Variants in PTPRU observed in about 807,000 individuals in gnomAD.
PTPRU encodes the protein protein tyrosine phosphatase receptor type U, also known as receptor-type tyrosine-protein phosphatase U.
A neutral mutation model predicts 166.3 loss-of-function variants in PTPRU; 69 were observed. That is an observed-to-expected ratio of 0.41 (90% CI 0.34 to 0.51). The LOEUF (loss-of-function observed/expected upper bound fraction) is 0.51. Among genes scored for constraint, PTPRU ranks in the 20% least tolerant of loss-of-function variants. The pLI is 0.09. For missense variants in PTPRU, 1,657 were observed against 2,013.7 expected (o/e 0.82, Z 3.39); for synonymous variants, 793 against 814.0 (o/e 0.97, Z 0.44).
At chr1:29,289,650 C>T (rs1232754260) in intron 14 of PTPRU, 1 of 1,613,862 alleles carries the variant, frequency 6.2e-7, no homozygotes, top group Non-Finnish European at 8.5e-7. Flanking sequence ...ACCTCGGACA[C>T]AACTGTGCTG....
intron 26 of PTPRU, among the ~76,000 whole-genome samples, chr1:29,321,636 G>C (rs535097789): frequency 6.6e-6 from 1 of 152,290 alleles, no homozygotes; most frequent in African/African-American, 2.4e-5. Context: ...TTTGATCTAG[G>C]GTAAGTTGAT....
chr1:29,260,806 C>G lies in PTPRU; in HGVS notation c.1047C>G (p.Pro349=). ...CCTACAAGCTGTGGCACCTCGACCC[C>G]GACACAGAGTATGAGATCAGCGTGC... ...LQTYKLWHLD[P]DTEYEISVLL... Residue 349 remains proline (P), a synonymous_variant, in exon 7 of 30, where the codon CCC becomes CCG. Transcript: ENST00000373779. This position sits in a 1 kb window ranked among gnomAD's most constrained non-coding sequence, Gnocchi z 8.3. 1 of 1,613,338 alleles carries G rather than the reference C, an allele frequency of 6.2e-7. No homozygotes were observed. The highest frequency in any genetic ancestry group is 1.1e-5 in the South Asian group (1 of 91,044).
At position 29,258,571 on chromosome 1, in the gene PTPRU, G is replaced by C; in HGVS notation, c.272G>C (p.Ser91Thr). 6.2e-7 allele frequency: 1 copy of C among 1,614,256 alleles called. No homozygotes were observed. Among genetic ancestry groups the C allele is most frequent in the Non-Finnish European group, 8.5e-7 (1 of 1,180,050 alleles). The change falls in exon 3 of 30, where the codon AGC becomes ACC. Residue 91 changes from serine (S) to threonine (T), a missense_variant. By Grantham distance (58) the Ser-to-Thr change is moderately conservative. This residue lies in a region of PTPRU where 453 missense variants were observed against 496.9 expected (regional missense o/e 0.91). Transcript: ENST00000373779. ...PGQRAHVIFQ[S>T]LSENDTHCVQ... ...CAGCGAGCCCATGTCATCTTCCAGA[G>C]CCTGAGCGAGAATGATACCCACTGT...
chr1:29,260,842 T>C lies in PTPRU; in HGVS notation c.1083T>C (p.Arg361=). The change falls in exon 7 of 30, where the codon CGT becomes CGC. Residue 361 remains arginine, a synonymous_variant. Transcript: ENST00000373779. The surrounding 1 kb of genome is among the most constrained non-coding windows in gnomAD (Gnocchi z 8.3). ...ATGAGATCAGCGTGCTGCTCACGCG[T>C]CCCGGAGACGGCGGCACTGGCCGCC... ...TEYEISVLLT[R]PGDGGTGRPG... is the part of the protein sequence containing the mutation. 1 of 1,608,784 alleles carries C rather than the reference T, an allele frequency of 6.2e-7. No homozygotes were observed. The highest frequency in any genetic ancestry group is 2.2e-5 in the East Asian group (1 of 44,592).
At position 29,269,246 on chromosome 1, in the gene PTPRU, A is replaced by ATTTTTTTTTTTTTT. The variant is rs1175870568; in HGVS notation, c.1145-6186_1145-6173dup. Among the ~76,000 whole-genome samples the ATTTTTTTTTTTTTT allele has an allele frequency of 2.4e-4, 5 of 20,584 alleles. 2 individuals are homozygous for ATTTTTTTTTTTTTT. Among genetic ancestry groups the ATTTTTTTTTTTTTT allele is most frequent in the Non-Finnish European group, 5.0e-4 (5 of 9,980 alleles). 13.5% of individuals were successfully genotyped at this position (20,584 alleles called of 152,430 possible). A position where few individuals can be genotyped will look rare whatever the true frequency, so the allele number is the denominator to read the frequency against. ...TATATATATATATATATATATATAT[A>ATTTTTTTTTTTTTT]TTTTTTTTTTTTTTTTTTTTTTTTT... On this transcript the variant is annotated intron_variant, in intron 7 of 29. Coordinates refer to ENST00000373779, the MANE Select transcript of PTPRU (RefSeq NM_133178.4).
chr1:29,280,071 C>A lies in PTPRU; in HGVS notation c.1798C>A (p.Pro600Thr), dbSNP rs1341692539. ...CTTTGATTATGCCGACATGCCGTCA[C>A]CCCTGGGCGAGTCTGAGAACACCAT... is the stretch of plus-strand genomic sequence containing the variant. Reference protein sequence around the residue: ...PSFDYADMPSPLGESENTITV... With the variant: ...PSFDYADMPSTLGESENTITV... The change falls in exon 11 of 30, where the codon CCC (proline) becomes ACC (threonine). Residue 600 changes from proline (P) to threonine (T), a missense_variant. Pro to Thr is a conservative substitution (Grantham distance 38). Coordinates refer to ENST00000373779, the MANE Select transcript of PTPRU (RefSeq NM_133178.4). The surrounding 1 kb of genome is among the most constrained non-coding windows in gnomAD (Gnocchi z 4.2). The A allele has an allele frequency of 1.2e-6, 2 of 1,613,814 alleles. No homozygotes were observed. Among genetic ancestry groups the A allele is most frequent in the South Asian group, 1.1e-5 (1 of 91,052 alleles).
chr1:29,290,577 G>A (rs191508488), intron 14 of PTPRU, among the ~76,000 whole-genome samples: 1 of 152,314 alleles, frequency 6.6e-6, no homozygotes, highest in Non-Finnish European at 1.5e-5. Context: ...CAGCCCTGAG[G>A]ACAGTGGGTC....
At chr1:29,247,481 G>A (rs916641832) in intron 1 of PTPRU, among the ~76,000 whole-genome samples, 13 of 152,252 alleles carry the variant, frequency 8.5e-5, no homozygotes, top group Admixed American at 4.6e-4. Flanking sequence ...CACAGCAGAG[G>A]CCTCTCTCCA....
chr1:29,262,041 T>TTG (rs1685089328), intron 7 of PTPRU, among the ~76,000 whole-genome samples: 3 of 152,128 alleles, frequency 2.0e-5, no homozygotes, highest in African/African-American at 4.8e-5. Context: ...TTGTACTTGT[T>TTG]TGTGTGTGTG....
intron 22 of PTPRU, among the ~76,000 whole-genome samples, chr1:29,313,665 G>A (rs1400458753): frequency 6.6e-6 from 1 of 152,084 alleles, no homozygotes; most frequent in Non-Finnish European, 1.5e-5. Context: ...AGACCAGCCT[G>A]GGCAACATAG....
intron 15 of PTPRU, among the ~76,000 whole-genome samples, chr1:29,294,750 A>G (rs1686803266): frequency 6.6e-6 from 1 of 152,172 alleles, no homozygotes. Context: ...GTGTGGTGGT[A>G]TAAGTTAAGG....
In PTPRU at chr1:29,236,723, C is replaced by G; in HGVS notation, c.73+6C>G. On this transcript the variant is annotated splice_donor_region_variant and intron_variant, in intron 1 of 29. Transcript: ENST00000373779. This position sits in a 1 kb window ranked among gnomAD's most constrained non-coding sequence, Gnocchi z 4.6. Reference sequence around the variant, plus strand: ...GGAGACCGAGACTCCGGCAGGTAAGCGCGCGGCGGCCGGACCGAGCCTGCC... The same window carrying G: ...GGAGACCGAGACTCCGGCAGGTAAGGGCGCGGCGGCCGGACCGAGCCTGCC... The G allele has an allele frequency of 7.0e-7, 1 of 1,431,152 alleles. No individual in the cohort carries two copies. Among genetic ancestry groups the G allele is most frequent in the South Asian group, 1.4e-5 (1 of 69,378 alleles). 88.7% of individuals were successfully genotyped at this position (1,431,152 alleles called of 1,614,324 possible).
At chr1:29,289,615 G>T in intron 14 of PTPRU, 2 of 1,600,662 alleles carry the variant, frequency 1.2e-6, no homozygotes, top group Non-Finnish European at 1.7e-6. Flanking sequence ...CCTGGGCATT[G>T]CCTCAGCCCG....
At chr1:29,262,218 T>C (rs2151946163) in intron 7 of PTPRU, among the ~76,000 whole-genome samples, 1 of 152,382 alleles carries the variant, frequency 6.6e-6, no homozygotes, top group East Asian at 1.9e-4. Context: ...TGATCTGTCC[T>C]TTCTAAAATT....
Position 29,237,938 on chromosome 1 carries a change from C to T in PTPRU, c.73+1221C>T, listed in dbSNP as rs1208330780. 6.7e-6 allele frequency among the ~76,000 whole-genome samples: 1 copy of T among 149,908 alleles called. No individual in the cohort carries two copies. The highest frequency in any genetic ancestry group is 6.6e-5 in the Admixed American group (1 of 15,086). ...CGGGCGCGGGCAGGGCCTGGCTCGCCGCCGGGGGACGGCGCCCCCTCCCTT... is the reference window on the plus strand; with the variant it reads ...CGGGCGCGGGCAGGGCCTGGCTCGCTGCCGGGGGACGGCGCCCCCTCCCTT... On this transcript the variant is annotated intron_variant, in intron 1 of 29. Transcript: ENST00000373779. The surrounding 1 kb of genome is among the most constrained non-coding windows in gnomAD (Gnocchi z 6.4).
rs2151935897 is a variant in PTPRU, at chr1:29,237,517, G to A, written c.73+800G>A. On this transcript the variant is annotated intron_variant, in intron 1 of 29. Coordinates refer to ENST00000373779, the MANE Select transcript of PTPRU (RefSeq NM_133178.4). The surrounding 1 kb of genome is among the most constrained non-coding windows in gnomAD (Gnocchi z 6.4). ...GGGCCGCGGCTGCGAGTGTGCCCTG[G>A]TCCCGGGGCCGCCCGAGGGGGCGGT... Among the ~76,000 whole-genome samples, 1 of 151,462 alleles carries A rather than the reference G, an allele frequency of 6.6e-6. No individual in the cohort carries two copies. The highest frequency in any genetic ancestry group is 2.1e-4 in the South Asian group (1 of 4,798).
Position 29,280,252 on chromosome 1 carries a change from C to T in PTPRU, c.1868+111C>T. On this transcript the variant is annotated intron_variant, in intron 11 of 29. Coordinates refer to ENST00000373779, the MANE Select transcript of PTPRU (RefSeq NM_133178.4). The surrounding 1 kb of genome is among the most constrained non-coding windows in gnomAD (Gnocchi z 4.2). ...CTCACCCTTTTCCTCCCTCAGTCTC[C>T]CACGCAGGGCTTGGAGTGTCTGGAG... 9.4e-7 allele frequency: 1 copy of T among 1,061,914 alleles called. No homozygotes were observed. The highest frequency in any genetic ancestry group is 1.5e-5 in the South Asian group (1 of 65,402). 65.8% of individuals were successfully genotyped at this position (1,061,914 alleles called of 1,614,324 possible). A position where few individuals can be genotyped will look rare whatever the true frequency, so the allele number is the denominator to read the frequency against.
rs189532318 is a variant in PTPRU at position 29,258,587 on chromosome 1, T to C, written c.288T>C (p.Asp96=). ...TCTTCCAGAGCCTGAGCGAGAATGATACCCACTGTGTGCAGTTCAGCTACT... is the reference window on the plus strand; with the variant it reads ...TCTTCCAGAGCCTGAGCGAGAATGACACCCACTGTGTGCAGTTCAGCTACT... The part of the protein sequence containing the change: ...HVIFQSLSEN[D]THCVQFSYFL... The change falls in exon 3 of 30, where the codon GAT becomes GAC. Residue 96 remains aspartate, a synonymous_variant. Transcript: ENST00000373779. The C allele has an allele frequency of 2.4e-5, 39 of 1,614,252 alleles. No individual in the cohort carries two copies. In the East Asian group the frequency reaches 5.6e-4, roughly 23 times the overall value.
chr1:29,294,898 T>C (rs1686810317), intron 15 of PTPRU, among the ~76,000 whole-genome samples: 1 of 152,226 alleles, frequency 6.6e-6, no homozygotes, highest in African/African-American at 2.4e-5. Context: ...CAGTTCCCTG[T>C]TTCTTTCATT....
Sources: allele counts gnomAD v4.1 joint callset (sites outside exome capture counted in the v4.1 genomes callset), GRCh38; gene constraint gnomAD v4.1.1; regional missense constraint gnomAD v4.1.1; non-coding constraint Gnocchi (gnomAD v3.1); transcripts MANE v1.5; gene names NCBI Gene and HGNC (gene_info 2026-07-23, HGNC 2026-07-21).